Variants in DOK6 observed in about 807,000 individuals in gnomAD.
DOK6 encodes the protein docking protein 6, also known as downstream of tyrosine kinase 6.
DOK6 carries 22 observed loss-of-function variants against 44.0 expected under a neutral mutation model. That is an observed-to-expected ratio of 0.50 (90% CI 0.36 to 0.71). The LOEUF (loss-of-function observed/expected upper bound fraction) is 0.71. DOK6 is among the 30% of genes least tolerant of loss of function. The pLI is 0.00. For synonymous variants in DOK6, 166 were observed against 145.5 expected (o/e 1.14, Z -1.01); for missense variants, 340 against 416.4 (o/e 0.82, Z 1.60).
At position 69,720,186 on chromosome 18, in the gene DOK6, C is replaced by CA. The variant is rs200837353; in HGVS notation, c.600-18769dup. On this transcript the variant is annotated intron_variant, in intron 5 of 7. Coordinates refer to ENST00000382713, the MANE Select transcript of DOK6 (RefSeq NM_152721.6). ...CCTGGGCAACAGAGGGAGACTGACT[C>CA]AAAAAAAAAATTTTTTTTTTAAAGC... Among the ~76,000 whole-genome samples, 154 of 149,702 alleles carry CA rather than the reference C, an allele frequency of 1.0e-3. 1 individual carries two copies. The highest frequency in any genetic ancestry group is 1.2e-3 in the Admixed American group (18 of 15,010).
chr18:69,618,297 C>T (rs894477691), intron 3 of DOK6, among the ~76,000 whole-genome samples: 2 of 152,190 alleles, frequency 1.3e-5, no homozygotes, highest in African/African-American at 4.8e-5. Flanking sequence ...TCAATTGTTC[C>T]TTGTGGAGGA....
chr18:69,796,037 T>C (rs1980735388), intron 7 of DOK6, among the ~76,000 whole-genome samples: 1 of 152,086 alleles, frequency 6.6e-6, no homozygotes, highest in Non-Finnish European at 1.5e-5. Flanking sequence ...AAGAGAGAAA[T>C]GAAATGTCAC....
At chr18:69,711,877 T>C (rs1945174592) in intron 5 of DOK6, among the ~76,000 whole-genome samples, 1 of 152,198 alleles carries the variant, frequency 6.6e-6, no homozygotes, top group East Asian at 1.9e-4. Context: ...GCAGGCCCCA[T>C]ACTTGTTTTC....
At chr18:69,659,955 G>GTATGTTTTATATATATAACATATATT (rs1404477068) in intron 3 of DOK6, 1 of 102,052 alleles carries the variant, frequency 9.8e-6, no homozygotes, top group Non-Finnish European at 2.1e-5. Flanking sequence ...TAACATATAT[G>GTATGTTTTATATATATAACATATATT]TATGTTTTAT....
chr18:69,584,237 G>A (rs191826862), intron 2 of DOK6, among the ~76,000 whole-genome samples: 43 of 152,056 alleles, frequency 2.8e-4, no homozygotes, highest in Admixed American at 2.7e-3. Context: ...TTTCATATCT[G>A]GGTTTTTTCT....
chr18:69,626,785 T>TACA (rs1381692730), intron 3 of DOK6, among the ~76,000 whole-genome samples: 30 of 152,208 alleles, frequency 2.0e-4, no homozygotes, highest in African/African-American at 7.2e-4. Flanking sequence ...TTCAAAGGAA[T>TACA]GGTTCCCAGG....
chr18:69,568,085 C>T (rs9954600), intron 2 of DOK6, among the ~76,000 whole-genome samples: 142,585 of 152,244 alleles, frequency 0.94, 67,500 homozygotes, highest in East Asian at 1. Context: ...GCAACTTCAC[C>T]GTCTCTCTGG....
chr18:69,536,104 G>C (rs1982115734), intron 1 of DOK6, among the ~76,000 whole-genome samples: 1 of 152,114 alleles, frequency 6.6e-6, no homozygotes, highest in Non-Finnish European at 1.5e-5. Flanking sequence ...CAGCCAAATA[G>C]TCCCTGAGTA....
chr18:69,663,426 A>G (rs1389037162), intron 3 of DOK6: 1 of 146,416 alleles, frequency 6.8e-6, no homozygotes, highest in Non-Finnish European at 1.5e-5. Context: ...ATAAAAGTAG[A>G]AAAAAAAAAA....
chr18:69,828,880 ATGTGT>A (rs1981817607), intron 7 of DOK6, among the ~76,000 whole-genome samples: 2 of 93,082 alleles, frequency 2.1e-5, no homozygotes, highest in East Asian at 6.1e-4. Flanking sequence ...CAATACATTT[ATGTGT>A]ATATATATAT....
intron 6 of DOK6, among the ~76,000 whole-genome samples, chr18:69,752,995 T>C (rs1209534993): frequency 1.3e-5 from 2 of 152,200 alleles, no homozygotes; most frequent in African/African-American, 2.4e-5. Context: ...AAATCTGCCC[T>C]CTGCCTGGAG....
intron 4 of DOK6, among the ~76,000 whole-genome samples, chr18:69,696,769 G>A (rs765788293): frequency 6.6e-6 from 1 of 152,096 alleles, no homozygotes; most frequent in Non-Finnish European, 1.5e-5. Flanking sequence ...TAATCCCATT[G>A]GAGTGTGAAT....
At chr18:69,743,016 C>T (rs565456587) in intron 6 of DOK6, among the ~76,000 whole-genome samples, 1 of 152,308 alleles carries the variant, frequency 6.6e-6, no homozygotes, top group South Asian at 2.1e-4. Context: ...ACAGCAACAG[C>T]TTCTCATTCC....
chr18:69,553,064 T>C (rs1982603661), intron 1 of DOK6, among the ~76,000 whole-genome samples: 1 of 152,256 alleles, frequency 6.6e-6, no homozygotes, highest in African/African-American at 2.4e-5. Flanking sequence ...TTAGAAACCA[T>C]AATGTTTTAA....
intron 4 of DOK6, among the ~76,000 whole-genome samples, chr18:69,693,284 A>G (rs1986307304): frequency 6.6e-6 from 1 of 150,572 alleles, no homozygotes; most frequent in African/African-American, 2.4e-5. Flanking sequence ...GAAGAAATAG[A>G]ATACAGTGGA....
intron 1 of DOK6, among the ~76,000 whole-genome samples, chr18:69,467,616 G>A (rs1179906577): frequency 3.3e-5 from 5 of 152,088 alleles, no homozygotes; most frequent in South Asian, 2.1e-4. Context: ...TAATAATTTA[G>A]CACGTTTTCT....
chr18:69,700,987 T>C (rs1338039491), intron 5 of DOK6, among the ~76,000 whole-genome samples: 2 of 152,270 alleles, frequency 1.3e-5, no homozygotes, highest in Admixed American at 6.5e-5. Context: ...TATGCACTAA[T>C]AGTAGTATTA....
chr18:69,543,583 A>G (rs550102210), intron 1 of DOK6, among the ~76,000 whole-genome samples: 4 of 151,528 alleles, frequency 2.6e-5, no homozygotes, highest in Non-Finnish European at 5.9e-5. Context: ...TTAAACCAAT[A>G]CATTAATATC....
intron 2 of DOK6, among the ~76,000 whole-genome samples, chr18:69,580,386 C>T (rs1203218269): frequency 1.3e-5 from 2 of 152,174 alleles, no homozygotes; most frequent in African/African-American, 4.8e-5. Flanking sequence ...CAGCACGGCA[C>T]ATCAAATCCT....
Sources: allele counts gnomAD v4.1 joint callset (sites outside exome capture counted in the v4.1 genomes callset), GRCh38; gene constraint gnomAD v4.1.1; transcripts MANE v1.5; gene names NCBI Gene and HGNC (gene_info 2026-07-23, HGNC 2026-07-21).